NOX3: variants seen among roughly 807,000 people sequenced by gnomAD.
NOX3 encodes the protein NADPH oxidase 3, also known as NADPH oxidase catalytic subunit-like 3.
Under a neutral mutation model 76.7 loss-of-function variants are expected in NOX3, and 74 were observed. That is an observed-to-expected ratio of 0.96 (90% CI 0.80 to 1.17). NOX3 has a LOEUF of 1.17. NOX3 is among the 50% of genes most tolerant of loss of function. The pLI is 0.00. For missense variants in NOX3, 695 were observed against 703.3 expected, an observed-to-expected ratio of 0.99 and a Z score of 0.13; for synonymous variants, 263 against 261.1, an observed-to-expected ratio of 1.01 and a Z score of -0.07.
At chr6:155,454,342 TC>T (rs1333596229) in intron 3 of NOX3, among the ~76,000 whole-genome samples, 1 of 152,154 alleles carries the variant, frequency 6.6e-6, no homozygotes, top group African/African-American at 2.4e-5. Context: ...ACAGGTAAGT[TC>T]CCAACACAGT....
intron 12 of NOX3, among the ~76,000 whole-genome samples, chr6:155,401,284 C>A (rs1779222565): frequency 6.6e-6 from 1 of 152,198 alleles, no homozygotes; most frequent in African/African-American, 2.4e-5. Context: ...TGGGAAGGAA[C>A]TATGGGAATA....
chr6:155,414,593 T>G (rs1264233766), intron 10 of NOX3, among the ~76,000 whole-genome samples: 1 of 150,772 alleles, frequency 6.6e-6, no homozygotes, highest in African/African-American at 2.4e-5. Flanking sequence ...ACAGGACTCA[T>G]CCAACACTTT....
intron 5 of NOX3, among the ~76,000 whole-genome samples, chr6:155,442,922 C>T (rs1777012462): frequency 1.3e-5 from 2 of 152,154 alleles, no homozygotes; most frequent in African/African-American, 4.8e-5. Context: ...TGGCACTTCA[C>T]CTTCTTTATG....
chr6:155,440,342 C>A (rs1300646458), intron 5 of NOX3, among the ~76,000 whole-genome samples: 1 of 152,068 alleles, frequency 6.6e-6, no homozygotes, highest in Non-Finnish European at 1.5e-5. Flanking sequence ...CTCTTCCACC[C>A]CCTTCCCACC....
chr6:155,448,250 C>T (rs183570312), intron 4 of NOX3, among the ~76,000 whole-genome samples: 339 of 152,272 alleles, frequency 2.2e-3, no homozygotes, highest in African/African-American at 7.7e-3. Flanking sequence ...GCATATTTAT[C>T]ATCTAAAAGG....
rs770529361 is a variant in NOX3, at chr6:155,422,721, C to T, written c.1281G>A (p.Glu427=). The T allele has an allele frequency of 1.2e-6, 2 of 1,614,122 alleles. No homozygotes were observed. ...TGCTCAGCTTCAGTGGGGTCTGTGC[C>T]TCACTGCATTTGTACCATATAGATT... ...LLKSIWYKCS[E]AQTPLKLSKV... is the part of the protein sequence containing the mutation. The change falls in exon 10 of 14, where the codon GAG becomes GAA. Residue 427 remains glutamate, a synonymous_variant. Coordinates refer to ENST00000159060, the MANE Select transcript of NOX3 (RefSeq NM_015718.3).
chr6:155,434,669 T>C (rs1351946089), intron 7 of NOX3, among the ~76,000 whole-genome samples: 1 of 152,182 alleles, frequency 6.6e-6, no homozygotes. Context: ...TTTTTACAAA[T>C]AATCTTCCCC....
intron 12 of NOX3, among the ~76,000 whole-genome samples, chr6:155,404,258 C>T (rs566577534): frequency 6.6e-6 from 1 of 152,162 alleles, no homozygotes; most frequent in Non-Finnish European, 1.5e-5. Flanking sequence ...TCTCGTCTCT[C>T]CTCTGGGTGG....
intron 6 of NOX3, among the ~76,000 whole-genome samples, chr6:155,439,034 T>C (rs1776946809): frequency 6.6e-6 from 1 of 152,228 alleles, no homozygotes; most frequent in Non-Finnish European, 1.5e-5. Context: ...GTCCTGGATC[T>C]GACTCTGCTG....
At chr6:155,422,460 T>C (rs1776701835) in intron 10 of NOX3, among the ~76,000 whole-genome samples, 1 of 152,244 alleles carries the variant, frequency 6.6e-6, no homozygotes, top group Non-Finnish European at 1.5e-5. Context: ...ACATGTCCTG[T>C]AATGGCAATG....
At chr6:155,440,693 A>C (rs1217966857) in intron 5 of NOX3, among the ~76,000 whole-genome samples, 1 of 152,126 alleles carries the variant, frequency 6.6e-6, no homozygotes, top group Non-Finnish European at 1.5e-5. Flanking sequence ...CAAAAAAAAA[A>C]AAAACCAAAG....
chr6:155,455,164 A>T lies in NOX3; in HGVS notation c.49-35T>A, dbSNP rs769758010. 2.9e-6 allele frequency: 4 copies of T among 1,370,934 alleles called. No homozygotes were observed. In the South Asian group the frequency reaches 4.9e-5, roughly 17 times the overall value. 84.9% of individuals were successfully genotyped at this position (1,370,934 alleles called of 1,614,324 possible). On this transcript the variant is annotated intron_variant, in intron 1 of 13. Transcript: ENST00000159060. ...AAAGGAAAGAGAACCAATGATTACT[A>T]CCTTCAAGCTTTTTCTCTATTCAAA...
chr6:155,431,010 C>T, intron 7 of NOX3, 75 bp from the exon 8 acceptor site: 1 of 907,106 alleles, frequency 1.1e-6, no homozygotes, highest in Non-Finnish European at 1.8e-6. Flanking sequence ...TGAACCAAAT[C>T]AATATACAAC....
intron 4 of NOX3, among the ~76,000 whole-genome samples, chr6:155,448,984 CGCATTT>C (rs1562473028): frequency 2.0e-5 from 3 of 152,158 alleles, no homozygotes; most frequent in Non-Finnish European, 4.4e-5. Context: ...GTGTGTGCCA[CGCATTT>C]GTAAATCACA....
rs139632168 is a variant in NOX3, at chr6:155,454,887, C to A, written c.179G>T (p.Cys60Phe). ...AATTAGCATGCAGTTAAAATTCAGG[C>A]ACAGTGCGGATGCTCGTGCCCAAGC... Reference protein sequence around the residue: ...TLAWARASALCLNFNCMLILI... With the variant: ...TLAWARASALFLNFNCMLILI... The change falls in exon 3 of 14, where the codon TGC becomes TTC. Residue 60 changes from cysteine to phenylalanine, a missense_variant. Physicochemically the swap from Cys to Phe is radical, Grantham distance 205. Transcript: ENST00000159060. 6.2e-7 allele frequency: 1 copy of A among 1,610,876 alleles called. No homozygotes were observed. Among genetic ancestry groups the A allele is most frequent in the Non-Finnish European group, 8.5e-7 (1 of 1,179,320 alleles).
intron 10 of NOX3, among the ~76,000 whole-genome samples, chr6:155,414,625 T>C (rs60069479): frequency 0.035 from 2,633 of 74,438 alleles, 81 homozygotes; most frequent in African/African-American, 0.091. Flanking sequence ...TTTTCTTTCT[T>C]TTTTTTTTTT....
chr6:155,447,350 C>T (rs956756537), intron 4 of NOX3, among the ~76,000 whole-genome samples: 5 of 152,272 alleles, frequency 3.3e-5, no homozygotes, highest in East Asian at 1.9e-4. Flanking sequence ...TATTTTATAA[C>T]GTTCTTCTTC....
chr6:155,407,909 T>C (rs1776484855), intron 11 of NOX3, among the ~76,000 whole-genome samples: 1 of 152,220 alleles, frequency 6.6e-6, no homozygotes, highest in Non-Finnish European at 1.5e-5. Context: ...ATGTAGCTAG[T>C]GGTCAATAAA....
In NOX3 at chr6:155,413,701, A is replaced by G. The variant is rs80013784; in HGVS notation, c.1309-2341T>C. Among the ~76,000 whole-genome samples, 1,697 of 152,246 alleles carry G rather than the reference A, an allele frequency of 0.011. 63 individuals are homozygous for G. The East Asian group carries it at 0.13, about 12-fold the overall frequency. Reference sequence around the variant, plus strand: ...AATGAAAAATCTACTGGCTGAATTAATGCAGTGCTCACCTATGCATGACCC... The same window carrying G: ...AATGAAAAATCTACTGGCTGAATTAGTGCAGTGCTCACCTATGCATGACCC... On this transcript the variant is annotated intron_variant, in intron 10 of 13. Transcript: ENST00000159060.
Sources: gnomAD v4.1 joint callset for allele counts (sites outside exome capture counted in the v4.1 genomes callset) on GRCh38, gnomAD v4.1.1 for gene constraint, MANE v1.5 for transcripts, NCBI Gene and HGNC (gene_info 2026-07-23, HGNC 2026-07-21) for gene names.